ARHGAP24: variants seen among roughly 807,000 people sequenced by gnomAD.
ARHGAP24 encodes the protein rho GTPase-activating protein 24.
Under a neutral mutation model 76.4 loss-of-function variants are expected in ARHGAP24, and 50 were observed. That is an observed-to-expected ratio of 0.65 (90% CI 0.52 to 0.83). ARHGAP24 has a LOEUF of 0.83. ARHGAP24 is among the 40% of genes least tolerant of loss of function. The probability of loss-of-function intolerance (pLI) is 0.00; values close to 1 mark genes in which losing one functional copy is unlikely to be tolerated. For missense variants in ARHGAP24, 930 were observed against 914.2 expected (o/e 1.02, Z -0.22); for synonymous variants, 345 against 323.3 (o/e 1.07, Z -0.72).
Position 85,697,565 on chromosome 4 carries a change from C to A in ARHGAP24, c.181-24320C>A, listed in dbSNP as rs1723915611. Among the ~76,000 whole-genome samples the A allele has an allele frequency of 2.0e-5, 3 of 152,138 alleles. No homozygotes were observed. In the South Asian group the frequency reaches 6.2e-4, roughly 32 times the overall value. On this transcript the variant is annotated intron_variant, in intron 2 of 9. Coordinates refer to ENST00000395184, the MANE Select transcript of ARHGAP24 (RefSeq NM_001025616.3). ...CATACTTACAATAACATACTGCTGG[C>A]AGTAAGCTCAGCTGTGTAGCAGATA...
At chr4:85,891,066 G>C (rs1222166555) in intron 3 of ARHGAP24, among the ~76,000 whole-genome samples, 1 of 152,178 alleles carries the variant, frequency 6.6e-6, no homozygotes, top group Admixed American at 6.5e-5. Flanking sequence ...ATAACCTGAA[G>C]CAGGCAGTGG....
At chr4:85,498,736 CCTTCT>C in intron 1 of ARHGAP24, among the ~76,000 whole-genome samples, 1 of 152,298 alleles carries the variant, frequency 6.6e-6, no homozygotes, top group East Asian at 1.9e-4. Context: ...CTCGAGTGAG[CCTTCT>C]CTACACTAAA....
intron 3 of ARHGAP24, among the ~76,000 whole-genome samples, chr4:85,761,438 A>G (rs1726730179): frequency 6.6e-6 from 1 of 152,166 alleles, no homozygotes; most frequent in Non-Finnish European, 1.5e-5. Context: ...GGGAATCTTT[A>G]CTGGCCTTTG....
chr4:85,608,595 G>A (rs1227832369), intron 2 of ARHGAP24, among the ~76,000 whole-genome samples: 3 of 119,142 alleles, frequency 2.5e-5, no homozygotes, highest in Admixed American at 1.2e-4. Flanking sequence ...GACTTGCTCT[G>A]TCGCCAGGCT....
intron 1 of ARHGAP24, among the ~76,000 whole-genome samples, chr4:85,564,138 G>A (rs1344666487): frequency 1.3e-5 from 2 of 152,080 alleles, no homozygotes; most frequent in Admixed American, 6.6e-5. Flanking sequence ...CCAGTGCCAT[G>A]GCACTGAGTA....
intron 3 of ARHGAP24, among the ~76,000 whole-genome samples, chr4:85,897,289 G>A (rs1044868223): frequency 2.0e-5 from 3 of 152,054 alleles, no homozygotes; most frequent in African/African-American, 7.2e-5. Context: ...AAAGACAAAT[G>A]TGAAGGAAAA....
intron 3 of ARHGAP24, among the ~76,000 whole-genome samples, chr4:85,778,253 AG>A (rs1727379905): frequency 1.3e-5 from 2 of 152,234 alleles, no homozygotes; most frequent in Non-Finnish European, 1.5e-5. Context: ...TGGAGATTAA[AG>A]GGAAAGTTTC....
chr4:85,490,756 G>T (rs1723317876), intron 1 of ARHGAP24, among the ~76,000 whole-genome samples: 1 of 152,184 alleles, frequency 6.6e-6, no homozygotes, highest in South Asian at 2.1e-4. Context: ...TGGTGAATTA[G>T]TGGCCAGTGA....
intron 2 of ARHGAP24, among the ~76,000 whole-genome samples, chr4:85,615,202 G>T (rs1268645702): frequency 1.3e-5 from 2 of 151,924 alleles, no homozygotes; most frequent in African/African-American, 4.8e-5. Flanking sequence ...ACAAGATTTT[G>T]TGCATGCAGT....
At chr4:85,927,362 C>A (rs11934553) in intron 4 of ARHGAP24, among the ~76,000 whole-genome samples, 3,642 of 151,990 alleles carry the variant, frequency 0.024, 146 homozygotes, top group African/African-American at 0.082. Context: ...GGAGAGATAG[C>A]CAAAAGATAC....
intron 3 of ARHGAP24, among the ~76,000 whole-genome samples, chr4:85,756,572 C>T (rs920064980): frequency 6.6e-6 from 1 of 152,104 alleles, no homozygotes; most frequent in Non-Finnish European, 1.5e-5. Context: ...AGATGCTAAG[C>T]AAGTTCATCT....
chr4:85,968,980 A>G (rs1419621930), intron 5 of ARHGAP24, among the ~76,000 whole-genome samples: 1 of 152,166 alleles, frequency 6.6e-6, no homozygotes, highest in African/African-American at 2.4e-5. Flanking sequence ...CTTATAATGT[A>G]TCACTTCTGG....
chr4:85,910,867 T>G (rs1735035965), intron 3 of ARHGAP24, among the ~76,000 whole-genome samples: 1 of 152,032 alleles, frequency 6.6e-6, no homozygotes, highest in Admixed American at 6.5e-5. Context: ...AGCCTTCAGG[T>G]CATCCCCGGC....
intron 2 of ARHGAP24, among the ~76,000 whole-genome samples, chr4:85,666,690 T>G (rs1198312353): frequency 6.6e-6 from 1 of 152,222 alleles, no homozygotes; most frequent in Non-Finnish European, 1.5e-5. Context: ...ATGTCCTTTC[T>G]GTTTGTTAGT....
At chr4:85,879,297 C>T (rs766072324) in intron 3 of ARHGAP24, among the ~76,000 whole-genome samples, 3 of 152,130 alleles carry the variant, frequency 2.0e-5, no homozygotes, top group South Asian at 2.1e-4. Flanking sequence ...CAAGGTGAGA[C>T]GGTTCATTTC....
chr4:85,770,469 ATTG>A (rs1289381184), intron 3 of ARHGAP24, among the ~76,000 whole-genome samples: 2 of 152,196 alleles, frequency 1.3e-5, no homozygotes, highest in Non-Finnish European at 2.9e-5. Context: ...AGAAATAATT[ATTG>A]TTGTTACCAT....
chr4:85,731,718 A>G (rs1273687203), intron 3 of ARHGAP24, among the ~76,000 whole-genome samples: 3 of 152,218 alleles, frequency 2.0e-5, no homozygotes, highest in Non-Finnish European at 4.4e-5. Flanking sequence ...TTAATATATT[A>G]TCATGTCAAA....
intron 3 of ARHGAP24, among the ~76,000 whole-genome samples, chr4:85,866,983 T>C (rs1732235524): frequency 6.6e-6 from 1 of 152,066 alleles, no homozygotes; most frequent in Non-Finnish European, 1.5e-5. Context: ...CAGATTAATT[T>C]GCTAGGATTC....
At position 86,002,090 on chromosome 4, in the gene ARHGAP24, C is replaced by G. The variant is rs897795500; in HGVS notation, c.*1368C>G. Reference sequence around the variant, plus strand: ...CAATAAGGCAATGGTTTTGAGAGGCCAGGCAAATAATCTTTCTCACCGTAG... The same window carrying G: ...CAATAAGGCAATGGTTTTGAGAGGCGAGGCAAATAATCTTTCTCACCGTAG... On this transcript the variant is annotated 3_prime_UTR_variant, in exon 10 of 10. Transcript: ENST00000395184. 6.6e-6 allele frequency: 1 copy of G among 152,096 alleles called. No individual in the cohort carries two copies. Among genetic ancestry groups the G allele is most frequent in the African/African-American group, 2.4e-5 (1 of 41,392 alleles). 9.4% of individuals were successfully genotyped at this position (152,096 alleles called of 1,614,324 possible).
Sources: gnomAD v4.1 joint callset for allele counts (sites outside exome capture counted in the v4.1 genomes callset) on GRCh38, gnomAD v4.1.1 for gene constraint, MANE v1.5 for transcripts, NCBI Gene and HGNC (gene_info 2026-07-23, HGNC 2026-07-21) for gene names.